Variants in CLEC4C observed in about 807,000 individuals in gnomAD.
The protein encoded by CLEC4C is C-type lectin domain family 4 member C.
A neutral mutation model predicts 27.7 loss-of-function variants in CLEC4C; 17 were observed. That is an observed-to-expected ratio of 0.61 (90% CI 0.42 to 0.92). The LOEUF (loss-of-function observed/expected upper bound fraction) is 0.92. Among genes scored for constraint, CLEC4C ranks in the 40% least tolerant of loss-of-function variants. CLEC4C has a pLI of 0.00. For synonymous variants in CLEC4C, 80 were observed against 80.8 expected, an observed-to-expected ratio of 0.99 and a Z score of 0.06; for missense variants, 244 against 257.3, an observed-to-expected ratio of 0.95 and a Z score of 0.35.
chr12:7,732,744 C>T (rs916149626), intron 4 of CLEC4C, among the ~76,000 whole-genome samples: 2 of 151,118 alleles, frequency 1.3e-5, no homozygotes, highest in African/African-American at 2.4e-5. Context: ...TGGCGGATCA[C>T]GAGGTCAGGA....
chr12:7,742,076 A>G (rs930799801), intron 2 of CLEC4C, among the ~76,000 whole-genome samples: 3 of 152,102 alleles, frequency 2.0e-5, no homozygotes, highest in African/African-American at 7.2e-5. Flanking sequence ...GTTACTCAAG[A>G]GGCTGAGGCA....
Position 7,729,417 on chromosome 12 carries a change from T to A in CLEC4C, c.*179A>T. 1.8e-6 allele frequency: 1 copy of A among 570,440 alleles called. No individual in the cohort carries two copies. Among genetic ancestry groups the A allele is most frequent in the East Asian group, 3.0e-5 (1 of 33,688 alleles). The allele number at this position is 570,440 out of a possible 1,614,324, so 35.3% of individuals were successfully genotyped here. On this transcript the variant is annotated 3_prime_UTR_variant, in exon 6 of 6. Transcript: ENST00000360345. Reference sequence around the variant, plus strand: ...AACACTCATTTTATGAATGAATAAATGAATAAATGAATAAATGAATGTGTG... The same window carrying A: ...AACACTCATTTTATGAATGAATAAAAGAATAAATGAATAAATGAATGTGTG...
At chr12:7,746,235 A>AT in intron 2 of CLEC4C, 96 bp downstream of exon 2, 1 of 706,742 alleles carries the variant, frequency 1.4e-6, no homozygotes, top group Non-Finnish European at 2.3e-6. Context: ...AAAAAAAAAG[A>AT]AAAAAAAAGA....
intron 1 of CLEC4C, among the ~76,000 whole-genome samples, chr12:7,746,690 C>T (rs1484512836): frequency 2.0e-5 from 3 of 152,342 alleles, no homozygotes; most frequent in Admixed American, 6.5e-5. Flanking sequence ...TTGAATTGCA[C>T]AGCCTTGGCC....
chr12:7,747,715 C>CACT (rs150167884), upstream of CLEC4C, among the ~76,000 whole-genome samples: 544 of 143,968 alleles, frequency 3.8e-3, 1 homozygote, highest in African/African-American at 0.013. Context: ...AATCTCAGCT[C>CACT]ACTACTACCT....
chr12:7,742,401 T>TACAG (rs984577918), intron 2 of CLEC4C, among the ~76,000 whole-genome samples: 1 of 145,974 alleles, frequency 6.9e-6, no homozygotes, highest in African/African-American at 2.6e-5. Context: ...TAATCCCAGC[T>TACAG]ACAGGAGGCT....
At chr12:7,735,479 G>T (rs1864702533) in intron 4 of CLEC4C, among the ~76,000 whole-genome samples, 1 of 146,948 alleles carries the variant, frequency 6.8e-6, no homozygotes, top group African/African-American at 2.5e-5. Context: ...CTCCAGCCTG[G>T]GCGATAGAAC....
intron 2 of CLEC4C, among the ~76,000 whole-genome samples, chr12:7,744,726 T>C (rs1463220442): frequency 1.3e-5 from 2 of 152,142 alleles, no homozygotes; most frequent in African/African-American, 2.4e-5. Flanking sequence ...GCGATCCTCC[T>C]GCCTCAACCT....
intron 5 of CLEC4C, 29 bp downstream of exon 5, chr12:7,730,768 C>T (rs781111141): frequency 1.8e-6 from 2 of 1,122,416 alleles, no homozygotes; most frequent in Non-Finnish European, 2.7e-6. Context: ...GATCAGGACC[C>T]AGTGTCCTTT....
At chr12:7,732,913 A>C (rs762152298) in intron 4 of CLEC4C, among the ~76,000 whole-genome samples, 1 of 151,954 alleles carries the variant, frequency 6.6e-6, no homozygotes, top group South Asian at 2.1e-4. Flanking sequence ...GCGCCACTGC[A>C]CTCCAGTCTC....
At chr12:7,738,306 G>A (rs1864774518) in intron 3 of CLEC4C, among the ~76,000 whole-genome samples, 1 of 152,082 alleles carries the variant, frequency 6.6e-6, no homozygotes, top group Admixed American at 6.6e-5. Context: ...TTGAGAGGTT[G>A]AGGTGACATA....
chr12:7,737,814 C>T (rs1228488366), intron 3 of CLEC4C, among the ~76,000 whole-genome samples: 3 of 152,184 alleles, frequency 2.0e-5, no homozygotes, highest in South Asian at 2.1e-4. Flanking sequence ...TTGGGCCATA[C>T]GGTTTCTGTT....
chr12:7,745,302 C>T (rs77511202), intron 2 of CLEC4C, among the ~76,000 whole-genome samples: 15,885 of 151,924 alleles, frequency 0.1, 1,132 homozygotes, highest in Middle Eastern at 0.22. Context: ...AAGAGGGCAT[C>T]AGCTGTAAGC....
upstream of CLEC4C, chr12:7,747,510 G>A (rs1865010652): frequency 4.7e-6 from 3 of 644,380 alleles, no homozygotes. Flanking sequence ...TGTGACTTAG[G>A]AGACTCTGCA....
chr12:7,741,465 T>C lies in CLEC4C; in HGVS notation c.191A>G (p.Tyr64Cys). ...CATGACGCAGGTCAGGCTTGGATGA[T>C]ACTGTTGATACTCTCGTAACTTGGA... ...RLSKLREYQQ[Y>C]HPSLTCVMEG... The change falls in exon 3 of 6, where the codon TAT (tyrosine) becomes TGT (cysteine). Residue 64 changes from tyrosine (Y) to cysteine (C), a missense_variant. By Grantham distance (194) the Tyr-to-Cys change is radical (BLOSUM62 -2). Transcript: ENST00000360345. 6.2e-7 allele frequency: 1 copy of C among 1,612,846 alleles called. No homozygotes were observed. The highest frequency in any genetic ancestry group is 2.2e-5 in the East Asian group (1 of 44,888).
chr12:7,738,578 T>C (rs1489212572), intron 3 of CLEC4C, among the ~76,000 whole-genome samples: 1 of 152,174 alleles, frequency 6.6e-6, no homozygotes. Flanking sequence ...CATGGCTCAC[T>C]GCAGCCTTGA....
intron 2 of CLEC4C, among the ~76,000 whole-genome samples, chr12:7,746,032 A>T (rs192255056): frequency 1.2e-4 from 18 of 151,480 alleles, no homozygotes; most frequent in South Asian, 4.2e-4. Context: ...TGGCTAACAC[A>T]GTGAAAACCC....
At chr12:7,741,340 T>TAAC in intron 3 of CLEC4C, 81 bp downstream of exon 3, 1 of 799,722 alleles carries the variant, frequency 1.3e-6, no homozygotes. Flanking sequence ...GTTGATAATT[T>TAAC]TAGTGCTGAA....
intron 4 of CLEC4C, among the ~76,000 whole-genome samples, chr12:7,734,556 T>TC (rs1012335265): frequency 6.6e-6 from 1 of 151,446 alleles, no homozygotes; most frequent in African/African-American, 2.4e-5. Context: ...CCTCCAATTT[T>TC]TTTTTTTTTT....
Sources: allele counts gnomAD v4.1 joint callset (sites outside exome capture counted in the v4.1 genomes callset), GRCh38; gene constraint gnomAD v4.1.1; transcripts MANE v1.5; gene names NCBI Gene and HGNC (gene_info 2026-07-23, HGNC 2026-07-21).